Variants in RSF1 observed in about 807,000 individuals in gnomAD.
The protein encoded by RSF1 is HBV pX-associated protein 8.
Under a neutral mutation model 145.2 loss-of-function variants are expected in RSF1, and 13 were observed. The ratio of observed to expected loss-of-function variants is 0.09; its 90% CI spans 0.06 to 0.14. The LOEUF is 0.14. Ranked by LOEUF, RSF1 falls within the 10% of genes least tolerant of loss-of-function variation. RSF1 has a pLI of 1.00. For missense variants in RSF1, 1,517 were observed against 1,718.2 expected, an observed-to-expected ratio of 0.88 and a Z score of 2.07; for synonymous variants, 577 against 592.6, an observed-to-expected ratio of 0.97 and a Z score of 0.38.
chr11:77,703,407 T>C (rs1490089946), intron 5 of RSF1: 1 of 152,212 alleles, frequency 6.6e-6, no homozygotes, highest in Non-Finnish European at 1.5e-5. Context: ...CTACTAATTT[T>C]ACGTACATTT....
rs369759711 is a variant in RSF1 at position 77,701,551 on chromosome 11, C to T, written c.1678G>A (p.Glu560Lys). The change falls in exon 6 of 16, where the codon GAG becomes AAG. Residue 560 changes from glutamate (E) to lysine (K), a missense_variant. Physicochemically the swap from Glu to Lys is moderately conservative, Grantham distance 56. Around this residue, in one of 12 missense-constraint regions of RSF1, gnomAD observed 579 missense variants for 553.5 expected, o/e 1.05. Transcript: ENST00000308488. The part of the protein sequence containing the change: ...LSSKTALSST[E>K]SCTMKGEEKS... The stretch of plus-strand genomic sequence containing the variant: ...TCTTCACCTTTCATGGTACACGACT[C>T]GGTGGAAGATAAAGCAGTTTTTGAA... 71 of 1,613,808 alleles carry T rather than the reference C, an allele frequency of 4.4e-5. 1 individual carries two copies. The highest frequency in any genetic ancestry group is 2.0e-4 in the South Asian group (18 of 91,068).
Position 77,741,052 on chromosome 11 carries a change from G to A in RSF1, c.373-116C>T, listed in dbSNP as rs1271289522. 3 of 732,338 alleles carry A rather than the reference G, an allele frequency of 4.1e-6. No homozygotes were observed. The Admixed American group carries it at 6.7e-5, about 16-fold the overall frequency. The allele number at this position is 732,338 out of a possible 1,614,324, so 45.4% of individuals were successfully genotyped here. The stretch of plus-strand genomic sequence containing the variant: ...AAGCAGTGGACAGAACACAAATACT[G>A]TATTCCTTCTTTCACTATCCTCTTC... On this transcript the variant is annotated intron_variant, in intron 3 of 15. Coordinates refer to ENST00000308488, the MANE Select transcript of RSF1 (RefSeq NM_016578.4).
chr11:77,850,810 A>C, the RSF1 span: 16 of 151,272 alleles, frequency 1.1e-4, no homozygotes, highest in African/African-American at 3.9e-4. Flanking sequence ...ACACACATAC[A>C]CTCACACTTT....
intron 15 of RSF1, among the ~76,000 whole-genome samples, chr11:77,670,967 C>G (rs1315810924): frequency 2.7e-5 from 4 of 150,008 alleles, no homozygotes; most frequent in African/African-American, 9.8e-5. Flanking sequence ...ATTAGCCAGG[C>G]TTGGTGGCAC....
chr11:77,801,012 C>T (rs74593152), intron 1 of RSF1, among the ~76,000 whole-genome samples: 1 of 146,746 alleles, frequency 6.8e-6, no homozygotes, highest in South Asian at 2.1e-4. Flanking sequence ...CTCTCTCTCT[C>T]AAAAAAAAAA....
chr11:77,712,336 G>A (rs1960707783), intron 5 of RSF1, among the ~76,000 whole-genome samples: 1 of 152,128 alleles, frequency 6.6e-6, no homozygotes, highest in South Asian at 2.1e-4. Context: ...CTTCCACCAT[G>A]ATTATGAGGT....
chr11:77,844,948 T>TTC, the RSF1 span, among the ~76,000 whole-genome samples: 21 of 152,188 alleles, frequency 1.4e-4, no homozygotes, highest in Non-Finnish European at 2.8e-4. Flanking sequence ...ACCTTTTGGC[T>TTC]TCATTGGTTT....
the RSF1 span, among the ~76,000 whole-genome samples, chr11:77,858,535 C>G: frequency 2.0e-5 from 3 of 151,890 alleles, no homozygotes; most frequent in Non-Finnish European, 4.4e-5. Flanking sequence ...AGTTGCAAGC[C>G]CTGTGTTTAA....
Position 77,676,992 on chromosome 11 carries a change from G to A in RSF1, c.3141C>T (p.Gly1047=). 6.2e-7 allele frequency: 1 copy of A among 1,612,828 alleles called. No homozygotes were observed. The highest frequency in any genetic ancestry group is 8.5e-7 in the Non-Finnish European group (1 of 1,179,540). ...TGATGGTGGAGATATCTTTTCCTCG[G>A]CCAACTCCTGAATTTGGGGGAGGGA... The part of the protein sequence containing the change: ...DIKEADGGGV[G]RGKDISTITG... Residue 1047 remains glycine, a synonymous_variant, in exon 13 of 16, where the codon GGC becomes GGT. Coordinates refer to ENST00000308488, the MANE Select transcript of RSF1 (RefSeq NM_016578.4).
intron 1 of RSF1, among the ~76,000 whole-genome samples, chr11:77,782,929 C>A (rs1392530573): frequency 6.6e-6 from 1 of 152,200 alleles, no homozygotes; most frequent in East Asian, 1.9e-4. Flanking sequence ...ACTGATATAA[C>A]TGAGTTAAAA....
intron 1 of RSF1, among the ~76,000 whole-genome samples, chr11:77,819,543 T>TG (rs1011311010): frequency 5.3e-5 from 8 of 152,266 alleles, no homozygotes; most frequent in African/African-American, 1.9e-4. Context: ...GAGCACCACT[T>TG]GCGAACACCA....
chr11:77,727,854 A>C (rs1424871647), intron 4 of RSF1, among the ~76,000 whole-genome samples: 2 of 152,154 alleles, frequency 1.3e-5, no homozygotes, highest in Middle Eastern at 3.2e-3. Flanking sequence ...AAAGGCTTTT[A>C]ATCTGTTTAA....
At chr11:77,738,940 CA>C (rs1383816673) in intron 4 of RSF1, 1 of 152,050 alleles carries the variant, frequency 6.6e-6, no homozygotes, top group East Asian at 1.9e-4. Context: ...CCTCAGCCCC[CA>C]AAGTGCTGGG....
At chr11:77,667,573 C>T in intron 15 of RSF1, 82 bp from the exon 16 acceptor site, 2 of 1,237,456 alleles carry the variant, frequency 1.6e-6, no homozygotes, top group Non-Finnish European at 2.2e-6. Flanking sequence ...GATATTCACC[C>T]CACGTCCTGC....
intron 11 of RSF1, among the ~76,000 whole-genome samples, chr11:77,681,498 T>C (rs534972553): frequency 6.6e-6 from 1 of 152,296 alleles, no homozygotes; most frequent in East Asian, 1.9e-4. Context: ...CAGGATGGTC[T>C]TGAACTTTTG....
rs757131187 is a variant in RSF1, at chr11:77,701,439, T to A, written c.1790A>T (p.Asp597Val). ...TGGACTCAATCTTTGTGCGTCCTTA[T>A]CAAGAAAAGTCTTTTTGGACTTCTC... ...KLEKSKKTFL[D>V]KDAQRLSPIP... Residue 597 changes from aspartate (D) to valine (V), a missense_variant, in exon 6 of 16, where the codon GAT (aspartate) becomes GTT (valine). Asp to Val is a radical substitution (Grantham distance 152). Coordinates refer to ENST00000308488, the MANE Select transcript of RSF1 (RefSeq NM_016578.4). The A allele has an allele frequency of 2.9e-5, 47 of 1,614,182 alleles. No homozygotes were observed. Among genetic ancestry groups the A allele is most frequent in the Non-Finnish European group, 3.8e-5 (45 of 1,180,024 alleles).
chr11:77,743,758 G>GT (rs1263997880), intron 3 of RSF1, among the ~76,000 whole-genome samples: 1 of 152,158 alleles, frequency 6.6e-6, no homozygotes, highest in African/African-American at 2.4e-5. Context: ...TATGTTGAAT[G>GT]TAAGTGGCAA....
intron 10 of RSF1, among the ~76,000 whole-genome samples, chr11:77,684,185 C>G (rs1959942847): frequency 6.6e-6 from 1 of 152,150 alleles, no homozygotes; most frequent in Admixed American, 6.5e-5. Flanking sequence ...GGTTGCTACT[C>G]AAGGAAATAA....
At chr11:77,811,284 T>C (rs1948728042) in intron 1 of RSF1, among the ~76,000 whole-genome samples, 1 of 152,258 alleles carries the variant, frequency 6.6e-6, no homozygotes, top group African/African-American at 2.4e-5. Flanking sequence ...AACATGGTCC[T>C]ATAGTAAGTT....
Sources: gnomAD v4.1 joint callset for allele counts (sites outside exome capture counted in the v4.1 genomes callset) on GRCh38, gnomAD v4.1.1 for gene constraint, gnomAD v4.1.1 regional missense constraint, MANE v1.5 for transcripts, NCBI Gene and HGNC (gene_info 2026-07-23, HGNC 2026-07-21) for gene names.